ASH2L: variants seen among roughly 807,000 people sequenced by gnomAD.
ASH2L encodes set1/Ash2 histone methyltransferase complex subunit ASH2.
ASH2L carries 30 observed loss-of-function variants against 81.1 expected under a neutral mutation model. That is an observed-to-expected ratio of 0.37 (90% CI 0.28 to 0.50). ASH2L has a LOEUF of 0.50. Ranked by LOEUF, ASH2L falls within the 20% of genes least tolerant of loss-of-function variation. ASH2L has a pLI of 0.95. For synonymous variants in ASH2L, 273 were observed against 279.9 expected (o/e 0.98, Z 0.24); for missense variants, 559 against 792.1 (o/e 0.71, Z 3.53).
At chr8:38,117,622 T>C (rs1411814554) in intron 8 of ASH2L, 3 of 237,898 alleles carry the variant, frequency 1.3e-5, no homozygotes, top group Non-Finnish European at 2.0e-5. Flanking sequence ...GAAACAGTAG[T>C]TGAGTTTAAT....
intron 7 of ASH2L, among the ~76,000 whole-genome samples, chr8:38,115,918 C>T (rs113291586): frequency 0.01 from 1,574 of 152,260 alleles, 30 homozygotes; most frequent in South Asian, 0.078. Context: ...ACTCTGCAAG[C>T]TTCATTGTTT....
intron 10 of ASH2L, among the ~76,000 whole-genome samples, chr8:38,122,217 C>T (rs1196413889): frequency 6.6e-6 from 1 of 151,890 alleles, no homozygotes; most frequent in Non-Finnish European, 1.5e-5. Context: ...TGTGTTCTTT[C>T]GATAAGCCGT....
At chr8:38,135,968 T>G (rs987859690) in intron 14 of ASH2L, among the ~76,000 whole-genome samples, 1 of 152,092 alleles carries the variant, frequency 6.6e-6, no homozygotes, top group Admixed American at 6.6e-5. Context: ...TCCTGCAGTT[T>G]GTGTGCGCCA....
chr8:38,106,478 G>A, intron 2 of ASH2L, 34 bp downstream of exon 2: 1 of 1,522,846 alleles, frequency 6.6e-7, no homozygotes, highest in South Asian at 1.2e-5. Flanking sequence ...AGACAAAATA[G>A]GGTTTGTTTT....
intron 7 of ASH2L, 132 bp from the exon 8 acceptor site, chr8:38,116,518 G>C: frequency 2.8e-6 from 2 of 715,614 alleles, no homozygotes; most frequent in Non-Finnish European, 4.7e-6. Context: ...GGGCAATAGA[G>C]TAAGGCCCCA....
chr8:38,119,112 C>G (rs1008977376), intron 8 of ASH2L, 158 bp from the exon 9 acceptor site: 11 of 644,590 alleles, frequency 1.7e-5, no homozygotes, highest in Non-Finnish European at 2.7e-5. Flanking sequence ...TCAGTAGATT[C>G]TTTGAAAACT....
intron 8 of ASH2L, 112 bp downstream of exon 8, chr8:38,116,837 C>A: frequency 1.1e-6 from 1 of 875,460 alleles, no homozygotes; most frequent in Non-Finnish European, 1.7e-6. Flanking sequence ...TACTAAAATG[C>A]TTTTATAGTT....
intron 9 of ASH2L, 44 bp from the exon 10 acceptor site, chr8:38,120,887 TA>T: frequency 1.3e-6 from 2 of 1,539,756 alleles, no homozygotes; most frequent in Non-Finnish European, 1.8e-6. Flanking sequence ...GCATTTGAGC[TA>T]AAGGGGGTTT....
rs1802143436 is a variant in ASH2L, at chr8:38,133,542, G to C, written c.1616G>C (p.Ser539Thr). 3 of 1,604,382 alleles carry C rather than the reference G, an allele frequency of 1.9e-6. No individual in the cohort carries two copies. The African/African-American group carries it at 4.0e-5, about 22-fold the overall frequency. Residue 539 changes from serine (S) to threonine (T), a missense_variant, in exon 13 of 16, where the codon AGT becomes ACT. Coordinates refer to ENST00000343823, the MANE Select transcript of ASH2L (RefSeq NM_004674.5). ...AEKSLKQTPH[S>T]EIIFYKNGVN... ...AAGAGCCTGAAGCAGACTCCCCATA[G>C]TGAGGTGAGTCATGGCCATAAGAAC...
At position 38,128,858 on chromosome 8, in the gene ASH2L, T is replaced by C; in HGVS notation, c.1434T>C (p.Ser478=). 1 of 1,614,196 alleles carries C rather than the reference T, an allele frequency of 6.2e-7. No individual in the cohort carries two copies. Among genetic ancestry groups the C allele is most frequent in the Non-Finnish European group, 8.5e-7 (1 of 1,180,038 alleles). The change falls in exon 12 of 16, where the codon TCT becomes TCC. Residue 478 remains serine (S), a synonymous_variant. Transcript: ENST00000343823. ...FHQSIGKHYS[S]GYGQGDVLGF... is the part of the protein sequence containing the mutation. ...AGTCCATTGGCAAACACTACTCTTC[T>C]GGCTATGGACAGGGAGACGTCCTGG...
intron 12 of ASH2L, among the ~76,000 whole-genome samples, chr8:38,130,439 T>C (rs1441182226): frequency 4.0e-5 from 6 of 151,842 alleles, no homozygotes. Context: ...TTAGTTTTTA[T>C]GAAGTCTGAT....
At chr8:38,117,852 G>A (rs549757478) in intron 8 of ASH2L, 4 of 152,314 alleles carry the variant, frequency 2.6e-5, no homozygotes, top group Admixed American at 1.3e-4. Context: ...GAGGCCAGGA[G>A]TTTGAGACCA....
chr8:38,106,242 C>A, intron 1 of ASH2L, 136 bp from the exon 2 acceptor site: 1 of 1,364,394 alleles, frequency 7.3e-7, no homozygotes, highest in Non-Finnish European at 1.0e-6. Flanking sequence ...CCTTGGGCAT[C>A]CAGTCTGAGA....
rs759020194 is a variant in ASH2L, at chr8:38,135,619, G to A, written c.1621-49G>A. 8 of 1,396,986 alleles carry A rather than the reference G, an allele frequency of 5.7e-6. No homozygotes were observed. In the African/African-American group the frequency reaches 8.7e-5, roughly 15 times the overall value. The allele number at this position is 1,396,986 out of a possible 1,614,324, so 86.5% of individuals were successfully genotyped here. Reference sequence around the variant, plus strand: ...TATTTTCCTAGAGAGTTCTTTTTTTGTTTGTTCTTTTTTACAGTTCTGAAG... The same window carrying A: ...TATTTTCCTAGAGAGTTCTTTTTTTATTTGTTCTTTTTTACAGTTCTGAAG... On this transcript the variant is annotated intron_variant, in intron 13 of 15. Coordinates refer to ENST00000343823, the MANE Select transcript of ASH2L (RefSeq NM_004674.5).
intron 5 of ASH2L, among the ~76,000 whole-genome samples, chr8:38,111,816 C>T (rs567696547): frequency 3.9e-5 from 6 of 152,276 alleles, no homozygotes; most frequent in African/African-American, 1.4e-4. Context: ...TATACAACCA[C>T]AGTGCCATAA....
intron 12 of ASH2L, among the ~76,000 whole-genome samples, chr8:38,131,265 C>T (rs1383149649): frequency 6.6e-6 from 1 of 152,050 alleles, no homozygotes; most frequent in Admixed American, 6.6e-5. Flanking sequence ...CCTGGTTTTA[C>T]AGAACACAGA....
At chr8:38,124,456 C>T (rs1563257436) in intron 10 of ASH2L, 1 of 152,426 alleles carries the variant, frequency 6.6e-6, no homozygotes, top group African/African-American at 2.4e-5. Flanking sequence ...GGTGATCCTA[C>T]TTCCTTGGCC....
chr8:38,121,831 G>A (rs756120138), intron 10 of ASH2L, among the ~76,000 whole-genome samples: 9 of 152,158 alleles, frequency 5.9e-5, no homozygotes, highest in Non-Finnish European at 8.8e-5. Flanking sequence ...TATTGGTTAC[G>A]TTGACCATGA....
chr8:38,115,284 T>C (rs895785822), intron 7 of ASH2L, among the ~76,000 whole-genome samples: 12 of 152,202 alleles, frequency 7.9e-5, no homozygotes, highest in Admixed American at 1.3e-4. Flanking sequence ...CATGTAAAAA[T>C]GCTATTTCAA....
Sources: gnomAD v4.1 joint callset for allele counts (sites outside exome capture counted in the v4.1 genomes callset) on GRCh38, gnomAD v4.1.1 for gene constraint, MANE v1.5 for transcripts, NCBI Gene and HGNC (gene_info 2026-07-23, HGNC 2026-07-21) for gene names.